The following PHF21B variants were observed in gnomAD, a reference collection of about 807,000 sequenced individuals.
PHF21B encodes PHD finger protein 21B.
Under a neutral mutation model 62.2 loss-of-function variants are expected in PHF21B, and 22 were observed. The observed-to-expected ratio is 0.35, with a 90% CI of 0.25 to 0.51. The LOEUF is 0.51. PHF21B is among the 20% of genes least tolerant of loss of function. The probability of loss-of-function intolerance (pLI) is 0.97; values close to 1 mark genes in which losing one functional copy is unlikely to be tolerated. For synonymous variants in PHF21B, 341 were observed against 314.7 expected (o/e 1.08, Z -0.88); for missense variants, 701 against 707.9 (o/e 0.99, Z 0.11).
In PHF21B at chr22:44,891,926, G is replaced by A. The variant is rs191486298; in HGVS notation, c.961-566C>T. ...TTGACTGCGGCTGTTGTAATACTGC[G>A]TGGCCAGATTTGACACCACTTCTCT... On this transcript the variant is annotated intron_variant, in intron 7 of 12. Coordinates refer to ENST00000313237, the MANE Select transcript of PHF21B (RefSeq NM_138415.5). 3.2e-3 allele frequency among the ~76,000 whole-genome samples: 491 copies of A among 152,204 alleles called. 3 individuals carry two copies. The highest frequency in any genetic ancestry group is 0.011 in the African/African-American group (460 of 41,544).
intron 2 of PHF21B, among the ~76,000 whole-genome samples, chr22:44,926,724 A>G (rs1405971058): frequency 6.6e-6 from 1 of 152,132 alleles, no homozygotes; most frequent in East Asian, 1.9e-4. Flanking sequence ...CACGTGGGCC[A>G]TGGGTAGCTG....
chr22:44,935,968 C>T (rs1383122182), intron 2 of PHF21B, among the ~76,000 whole-genome samples: 2 of 152,326 alleles, frequency 1.3e-5, no homozygotes, highest in African/African-American at 2.4e-5. Flanking sequence ...AGGAGACACA[C>T]CACATTCTGT....
At chr22:44,924,294 A>C (rs745908345) in intron 2 of PHF21B, among the ~76,000 whole-genome samples, 66 of 152,250 alleles carry the variant, frequency 4.3e-4, no homozygotes, top group Non-Finnish European at 3.8e-4. Context: ...GCTGGTGAGG[A>C]TGTAGAGCAA....
intron 2 of PHF21B, among the ~76,000 whole-genome samples, chr22:44,942,975 C>G (rs868467861): frequency 1.4e-5 from 2 of 140,994 alleles, no homozygotes; most frequent in South Asian, 4.7e-4. Flanking sequence ...GACCCACAGG[C>G]GGACCCCCAG....
intron 6 of PHF21B, among the ~76,000 whole-genome samples, chr22:44,895,172 C>G (rs1488703980): frequency 6.6e-6 from 1 of 152,138 alleles, no homozygotes; most frequent in African/African-American, 2.4e-5. Flanking sequence ...GGCCTGGATT[C>G]CAGCCTGGGC....
intron 2 of PHF21B, among the ~76,000 whole-genome samples, chr22:44,952,029 C>A (rs1040600584): frequency 6.6e-6 from 1 of 152,170 alleles, no homozygotes; most frequent in Admixed American, 6.5e-5. Context: ...GTGCTCACTG[C>A]GTGTTATGTA....
intron 2 of PHF21B, among the ~76,000 whole-genome samples, chr22:44,964,366 C>T (rs138055206): frequency 3.9e-5 from 6 of 152,296 alleles, no homozygotes; most frequent in African/African-American, 1.2e-4. Context: ...TGGTGCACCC[C>T]GGCCCCCCTG....
chr22:44,897,122 C>G (rs2071075425), intron 5 of PHF21B, among the ~76,000 whole-genome samples: 1 of 151,986 alleles, frequency 6.6e-6, no homozygotes, highest in Non-Finnish European at 1.5e-5. Flanking sequence ...CAGGCCTACC[C>G]CAGCCTCCCA....
Position 44,882,083 on chromosome 22 carries a change from C to T in PHF21B, c.*1003G>A, listed in dbSNP as rs1239416799. ...CCCCAACCATTCACATTAAATATCT[C>T]ACAATAAAAACGCCATACAAAAGTG... On this transcript the variant is annotated 3_prime_UTR_variant, in exon 13 of 13. Coordinates refer to ENST00000313237, the MANE Select transcript of PHF21B (RefSeq NM_138415.5). 6.5e-6 allele frequency: 1 copy of T among 152,750 alleles called. No homozygotes were observed. Among genetic ancestry groups the T allele is most frequent in the Non-Finnish European group, 1.5e-5 (1 of 68,060 alleles). 9.5% of individuals were successfully genotyped at this position (152,750 alleles called of 1,614,324 possible). A position where few individuals can be genotyped will look rare whatever the true frequency, so the allele number is the denominator to read the frequency against.
At position 44,958,131 on chromosome 22, in the gene PHF21B, G is replaced by A. The variant is rs761345720; in HGVS notation, c.121-37641C>T. ...TTGGTCAGGCTGGTCTCGAACTCCC[G>A]ACCTCAGGTGATCTGCCCACCTTGG... On this transcript the variant is annotated intron_variant, in intron 2 of 12. Transcript: ENST00000313237. Among the ~76,000 whole-genome samples, 4 of 152,096 alleles carry A rather than the reference G, an allele frequency of 2.6e-5. No individual in the cohort carries two copies. In the East Asian group the frequency reaches 7.7e-4, roughly 29 times the overall value.
At chr22:45,008,448 G>C (rs2073366106) in intron 2 of PHF21B, 97 bp downstream of exon 2, 1 of 1,187,306 alleles carries the variant, frequency 8.4e-7, no homozygotes, top group African/African-American at 1.6e-5. Flanking sequence ...GGGAGTCTGA[G>C]CGTGCGTCGC....
chr22:44,946,595 G>T (rs1344495074), intron 2 of PHF21B, among the ~76,000 whole-genome samples: 2 of 152,070 alleles, frequency 1.3e-5, no homozygotes, highest in African/African-American at 4.8e-5. Context: ...TGGACGGGTA[G>T]ATGGATGGAC....
At chr22:44,906,396 G>A (rs933910661) in intron 5 of PHF21B, among the ~76,000 whole-genome samples, 2 of 152,224 alleles carry the variant, frequency 1.3e-5, no homozygotes, top group Non-Finnish European at 2.9e-5. Flanking sequence ...CAGTAGCCCC[G>A]GGCAGATATG....
chr22:44,975,386 AG>A (rs1349975979), intron 2 of PHF21B, among the ~76,000 whole-genome samples: 1 of 151,852 alleles, frequency 6.6e-6, no homozygotes, highest in African/African-American at 2.4e-5. Context: ...GAGCCATAAG[AG>A]GCCCCTGTCC....
intron 2 of PHF21B, among the ~76,000 whole-genome samples, chr22:45,007,583 G>GTGGA (rs2073343773): frequency 1.3e-5 from 1 of 76,622 alleles, no homozygotes; most frequent in South Asian, 4.0e-4. Flanking sequence ...GGAGGGGGCA[G>GTGGA]CGGAGGGAGG....
intron 5 of PHF21B, among the ~76,000 whole-genome samples, chr22:44,898,232 T>A (rs777537908): frequency 1.6e-4 from 24 of 152,144 alleles, no homozygotes; most frequent in Admixed American, 7.9e-4. Context: ...GGAGGACTGG[T>A]CAGGTATTTT....
chr22:44,949,121 G>C (rs1240157270), intron 2 of PHF21B, among the ~76,000 whole-genome samples: 1 of 152,072 alleles, frequency 6.6e-6, no homozygotes, highest in African/African-American at 2.4e-5. Flanking sequence ...GACCAACATG[G>C]AGAAACCCCG....
chr22:44,934,397 C>G (rs1055922904), intron 2 of PHF21B, among the ~76,000 whole-genome samples: 1 of 152,218 alleles, frequency 6.6e-6, no homozygotes, highest in Non-Finnish European at 1.5e-5. Flanking sequence ...TCCTTACAGA[C>G]GTCCACATCC....
chr22:44,905,532 CG>C (rs1291967023), intron 5 of PHF21B, among the ~76,000 whole-genome samples: 1 of 152,084 alleles, frequency 6.6e-6, no homozygotes, highest in African/African-American at 2.4e-5. Flanking sequence ...AATTCATGTT[CG>C]AAATGTTGAT....
Sources: allele counts gnomAD v4.1 joint callset (sites outside exome capture counted in the v4.1 genomes callset), GRCh38; gene constraint gnomAD v4.1.1; transcripts MANE v1.5; gene names NCBI Gene and HGNC (gene_info 2026-07-23, HGNC 2026-07-21).